The following SHISA6 variants were observed in gnomAD, a reference collection of about 807,000 sequenced individuals.
SHISA6 encodes the protein shisa family member 6.
In SHISA6, 22 loss-of-function variants were observed where a neutral mutation model predicts 47.9. The observed-to-expected ratio is 0.46, with a 90% CI of 0.33 to 0.66. The LOEUF is 0.66. Ranked by LOEUF, SHISA6 falls within the 30% of genes least tolerant of loss-of-function variation. The pLI is 0.02. For missense variants in SHISA6, 680 were observed against 764.6 expected, an observed-to-expected ratio of 0.89 and a Z score of 1.30; for synonymous variants, 388 against 337.8, an observed-to-expected ratio of 1.15 and a Z score of -1.63.
intron 3 of SHISA6, among the ~76,000 whole-genome samples, chr17:11,532,818 C>T (rs2071748483): frequency 6.9e-6 from 1 of 144,138 alleles, no homozygotes; most frequent in South Asian, 2.3e-4. Flanking sequence ...CACCTCTCAG[C>T]ACACAGTGAT....
intron 3 of SHISA6, among the ~76,000 whole-genome samples, chr17:11,437,952 A>T (rs1319398566): frequency 6.6e-6 from 1 of 152,120 alleles, no homozygotes; most frequent in East Asian, 1.9e-4. Flanking sequence ...TAGCGATCAG[A>T]TGACTCCAAC....
chr17:11,344,437 T>C (rs1356581497), intron 2 of SHISA6, among the ~76,000 whole-genome samples: 2 of 152,196 alleles, frequency 1.3e-5, no homozygotes, highest in Non-Finnish European at 2.9e-5. Context: ...CTATATCTTA[T>C]TCAAAGAGTT....
intron 3 of SHISA6, among the ~76,000 whole-genome samples, chr17:11,544,514 C>T (rs2071865012): frequency 6.6e-6 from 1 of 151,844 alleles, no homozygotes; most frequent in Non-Finnish European, 1.5e-5. Flanking sequence ...TCGCTACATA[C>T]CTAAGGTATA....
intron 2 of SHISA6, among the ~76,000 whole-genome samples, chr17:11,271,753 C>CCT (rs1908676671): frequency 6.6e-6 from 1 of 152,070 alleles, no homozygotes; most frequent in Non-Finnish European, 1.5e-5. Flanking sequence ...AGCCACCACG[C>CCT]CCAGCCCCAT....
At chr17:11,310,802 G>A (rs1427752690) in intron 2 of SHISA6, among the ~76,000 whole-genome samples, 1 of 151,624 alleles carries the variant, frequency 6.6e-6, no homozygotes, top group Non-Finnish European at 1.5e-5. Flanking sequence ...GTGAAACCTG[G>A]TCTCTACTAA....
At chr17:11,519,740 A>T (rs955661938) in intron 3 of SHISA6, among the ~76,000 whole-genome samples, 2 of 152,152 alleles carry the variant, frequency 1.3e-5, no homozygotes, top group Non-Finnish European at 2.9e-5. Flanking sequence ...GCCCATAACC[A>T]GTCTGGTTTC....
At chr17:11,402,346 T>G (rs138171670) in intron 3 of SHISA6, among the ~76,000 whole-genome samples, 1,632 of 152,336 alleles carry the variant, frequency 0.011, 12 homozygotes, top group Middle Eastern at 0.02. Flanking sequence ...CTTGGCAGTT[T>G]GTGTAAAAAA....
At chr17:11,422,763 C>CAA (rs36035486) in intron 3 of SHISA6, among the ~76,000 whole-genome samples, 2 of 125,428 alleles carry the variant, frequency 1.6e-5, no homozygotes, top group Non-Finnish European at 1.7e-5. Flanking sequence ...GACTCTGTCT[C>CAA]AAAAAAAAAA....
At chr17:11,289,704 C>G (rs1909453002) in intron 2 of SHISA6, 1 of 151,856 alleles carries the variant, frequency 6.6e-6, no homozygotes, top group Non-Finnish European at 1.5e-5. Flanking sequence ...CAAAGAAAAT[C>G]ATTCTGATTC....
chr17:11,506,245 T>C (rs1375093994), intron 3 of SHISA6, among the ~76,000 whole-genome samples: 1 of 152,228 alleles, frequency 6.6e-6, no homozygotes, highest in Admixed American at 6.5e-5. Flanking sequence ...CTGGCCTCCC[T>C]GCATCTCTTC....
chr17:11,255,076 T>C (rs1907957900), intron 1 of SHISA6, among the ~76,000 whole-genome samples: 1 of 152,230 alleles, frequency 6.6e-6, no homozygotes, highest in South Asian at 2.1e-4. Flanking sequence ...TACCACTATG[T>C]CAACAGGACA....
chr17:11,276,848 C>T (rs57248161), intron 2 of SHISA6, among the ~76,000 whole-genome samples: 45,840 of 152,062 alleles, frequency 0.3, 6,958 homozygotes, highest in East Asian at 0.38. Flanking sequence ...CAATAGGTAT[C>T]TTCTCAGTTC....
At chr17:11,375,641 C>G (rs1156422855) in intron 2 of SHISA6, among the ~76,000 whole-genome samples, 1 of 152,130 alleles carries the variant, frequency 6.6e-6, no homozygotes. Flanking sequence ...TCACACACTC[C>G]AGGAGCCCAG....
chr17:11,459,396 A>G (rs558325340), intron 3 of SHISA6, among the ~76,000 whole-genome samples: 9 of 152,090 alleles, frequency 5.9e-5, no homozygotes, highest in Non-Finnish European at 1.2e-4. Flanking sequence ...CCTGGATAAT[A>G]AGGAGTTATT....
intron 3 of SHISA6, among the ~76,000 whole-genome samples, chr17:11,441,955 A>G (rs1224566094): frequency 6.6e-6 from 1 of 152,196 alleles, no homozygotes; most frequent in African/African-American, 2.4e-5. Flanking sequence ...TAACAAGCAC[A>G]GTGTCCTGAG....
At chr17:11,413,791 C>A (rs1336055571) in intron 3 of SHISA6, among the ~76,000 whole-genome samples, 1 of 152,034 alleles carries the variant, frequency 6.6e-6, no homozygotes, top group Non-Finnish European at 1.5e-5. Flanking sequence ...CATTGCGTTG[C>A]CTCCTTCTGT....
chr17:11,280,334 A>G (rs1356674340), intron 2 of SHISA6, among the ~76,000 whole-genome samples: 1 of 152,236 alleles, frequency 6.6e-6, no homozygotes, highest in Non-Finnish European at 1.5e-5. Context: ...GTATATGCAT[A>G]AATAGTTAAA....
intron 4 of SHISA6, among the ~76,000 whole-genome samples, chr17:11,554,176 T>C (rs927769868): frequency 6.6e-6 from 1 of 152,112 alleles, no homozygotes; most frequent in Admixed American, 6.5e-5. Flanking sequence ...GAGAGATGAG[T>C]GGCTATTACT....
At chr17:11,311,323 T>A (rs1427393274) in intron 2 of SHISA6, among the ~76,000 whole-genome samples, 2 of 148,448 alleles carry the variant, frequency 1.3e-5, no homozygotes, top group African/African-American at 5.0e-5. Context: ...AAAAATCACC[T>A]CTGGCTGTTG....
Sources: allele counts gnomAD v4.1 joint callset (sites outside exome capture counted in the v4.1 genomes callset), GRCh38; gene constraint gnomAD v4.1.1; transcripts MANE v1.5; gene names NCBI Gene and HGNC (gene_info 2026-07-23, HGNC 2026-07-21).